Variants in SPG11 observed in about 807,000 individuals in gnomAD.
The protein encoded by SPG11 is spatacsin.
Under a neutral mutation model 274.0 loss-of-function variants are expected in SPG11, and 222 were observed. The ratio of observed to expected loss-of-function variants is 0.81; its 90% CI spans 0.73 to 0.91. The LOEUF is 0.91. Among genes scored for constraint, SPG11 ranks in the 40% least tolerant of loss-of-function variants. The pLI is 0.00. For synonymous variants in SPG11, 1,144 were observed against 1,039.7 expected, an observed-to-expected ratio of 1.10 and a Z score of -1.93; for missense variants, 3,114 against 2,872.7, an observed-to-expected ratio of 1.08 and a Z score of -1.92.
intron 20 of SPG11, among the ~76,000 whole-genome samples, chr15:44,601,755 C>A (rs1414753851): frequency 6.6e-6 from 1 of 151,980 alleles, no homozygotes; most frequent in African/African-American, 2.4e-5. Flanking sequence ...GACGGGGTTT[C>A]GCCATGTTGG....
intron 30 of SPG11, among the ~76,000 whole-genome samples, chr15:44,579,896 AG>A (rs1486109137): frequency 3.3e-5 from 5 of 152,218 alleles, no homozygotes; most frequent in African/African-American, 1.2e-4. Flanking sequence ...ATTGTGACAT[AG>A]CACAATTACT....
At chr15:44,642,559 A>G (rs931576008) in intron 7 of SPG11, among the ~76,000 whole-genome samples, 18 of 151,754 alleles carry the variant, frequency 1.2e-4, no homozygotes, top group Admixed American at 1.1e-3. Context: ...AATCATGAGA[A>G]TGGTTAAAAA....
intron 1 of SPG11, 68 bp from the exon 2 acceptor site, chr15:44,660,684 T>A (rs542103141): frequency 1.4e-6 from 2 of 1,456,258 alleles, no homozygotes; most frequent in Admixed American, 3.4e-5. Context: ...ATGGTGGGGG[T>A]AGAAGGGTTG....
At chr15:44,615,715 T>C in intron 15 of SPG11, 149 bp from the exon 16 acceptor site, 1 of 754,856 alleles carries the variant, frequency 1.3e-6, no homozygotes, top group Non-Finnish European at 2.2e-6. Context: ...CTCAGACACA[T>C]TTTTTGCTGA....
chr15:44,589,658 T>C (rs529193734), intron 27 of SPG11, among the ~76,000 whole-genome samples: 1 of 152,334 alleles, frequency 6.6e-6, no homozygotes, highest in African/African-American at 2.4e-5. Context: ...GGTATAGAGC[T>C]GCATGTGTGA....
Position 44,596,153 on chromosome 15 carries a change from C to G in SPG11, c.4364G>C (p.Trp1455Ser), listed in dbSNP as rs1314710001. The G allele has an allele frequency of 6.2e-7, 1 of 1,614,040 alleles. No individual in the cohort carries two copies. Among genetic ancestry groups the G allele is most frequent in the Non-Finnish European group, 8.5e-7 (1 of 1,180,038 alleles). The change falls in exon 25 of 40, where the codon TGG becomes TCG. Residue 1455 changes from tryptophan to serine, a missense_variant. By Grantham distance (177) the Trp-to-Ser change is radical. Coordinates refer to ENST00000261866, the MANE Select transcript of SPG11 (RefSeq NM_025137.4). ...CACTGCTTCAACCAGAAGCCAGTGC[C>G]AGGAGTCTGGCTCCTCTGAGCATTG... Reference protein sequence around the residue: ...LLQCSEEPDSWHWLLVEAVKQ... With the variant: ...LLQCSEEPDSSHWLLVEAVKQ...
intron 4 of SPG11, among the ~76,000 whole-genome samples, chr15:44,655,137 G>C (rs908906319): frequency 1.3e-5 from 2 of 152,098 alleles, no homozygotes; most frequent in African/African-American, 4.8e-5. Flanking sequence ...ACAGTAAAAA[G>C]TGATCTCTTT....
chr15:44,642,400 A>G (rs1262808778), intron 7 of SPG11, among the ~76,000 whole-genome samples: 3 of 149,132 alleles, frequency 2.0e-5, no homozygotes, highest in African/African-American at 7.3e-5. Context: ...GAAAGAAAGG[A>G]AAGAAAAGAA....
intron 11 of SPG11, among the ~76,000 whole-genome samples, chr15:44,626,126 C>G (rs187010409): frequency 7.2e-5 from 11 of 152,216 alleles, no homozygotes; most frequent in African/African-American, 2.4e-4. Flanking sequence ...GATCTTCTTG[C>G]CTCAACCTCC....
At chr15:44,646,939 A>C (rs773120845) in intron 7 of SPG11, among the ~76,000 whole-genome samples, 1 of 152,180 alleles carries the variant, frequency 6.6e-6, no homozygotes, top group Non-Finnish European at 1.5e-5. Flanking sequence ...CAATTTACCT[A>C]TGTGACAAAC....
rs1032475686 is a variant in SPG11, at chr15:44,589,288, G to A, written c.4870C>T (p.Gln1624Ter). 1.9e-6 allele frequency: 3 copies of A among 1,614,132 alleles called. No homozygotes were observed. Among genetic ancestry groups the A allele is most frequent in the Admixed American group, 1.7e-5 (1 of 60,024 alleles). ...AGATGCTCTCTTTCAACAAAGAGCT[G>A]TAAAAGCTTCCCCAGCTCATACTGG... ...KTQYELGKLL[Q>*]LFVEREHLFS... The change falls in exon 28 of 40, where the codon CAG becomes TAG. Residue 1624 changes from glutamine to a stop codon, truncating the protein, a stop_gained. Coordinates refer to ENST00000261866, the MANE Select transcript of SPG11 (RefSeq NM_025137.4). LOFTEE classifies it high-confidence loss of function.
intron 7 of SPG11, among the ~76,000 whole-genome samples, chr15:44,645,477 T>A (rs1013657050): frequency 2.0e-5 from 3 of 152,286 alleles, no homozygotes; most frequent in Middle Eastern, 3.4e-3. Flanking sequence ...TCAAGTTTGA[T>A]TAAAGACTTA....
chr15:44,568,399 A>G (rs2082350987), intron 35 of SPG11, among the ~76,000 whole-genome samples: 1 of 152,344 alleles, frequency 6.6e-6, no homozygotes, highest in African/African-American at 2.4e-5. Context: ...AATTGGCCCA[A>G]TATTAAAGAG....
Position 44,578,313 on chromosome 15 carries a change from G to A in SPG11, c.5867-3272C>T, listed in dbSNP as rs562706153. On this transcript the variant is annotated intron_variant, in intron 30 of 39. Coordinates refer to ENST00000261866, the MANE Select transcript of SPG11 (RefSeq NM_025137.4). ...CCCAAAGTGCTGGGATTACAGGCGT[G>A]AGCCACCGCGCCTGGCCAGAGGAGC... Among the ~76,000 whole-genome samples the A allele has an allele frequency of 3.7e-3, 555 of 151,848 alleles. 3 individuals carry two copies. Among genetic ancestry groups the A allele is most frequent in the Non-Finnish European group, 6.0e-3 (410 of 67,944 alleles).
intron 30 of SPG11, among the ~76,000 whole-genome samples, chr15:44,576,907 A>G (rs1170893072): frequency 1.3e-5 from 2 of 151,694 alleles, no homozygotes; most frequent in African/African-American, 4.8e-5. Context: ...GTTCACTGCA[A>G]CCTCTGCCTC....
Position 44,584,369 on chromosome 15 carries a change from C to T in SPG11, c.5311G>A (p.Glu1771Lys). ...EHPTGWSSME[E>K]RHLLLTLAGH... ...GCCAAGGTGAGCAGCAGATGGCGCT[C>T]CTCCATGCTGCTCCATCCAGTTGGG... is the stretch of plus-strand genomic sequence containing the variant. Residue 1771 changes from glutamate (E) to lysine (K), a missense_variant, in exon 30 of 40, where the codon GAG becomes AAG. Coordinates refer to ENST00000261866, the MANE Select transcript of SPG11 (RefSeq NM_025137.4). The T allele has an allele frequency of 6.2e-7, 1 of 1,612,442 alleles. No homozygotes were observed. Among genetic ancestry groups the T allele is most frequent in the East Asian group, 2.2e-5 (1 of 44,860 alleles).
intron 30 of SPG11, among the ~76,000 whole-genome samples, chr15:44,576,535 G>T (rs1241996834): frequency 6.6e-6 from 1 of 151,798 alleles, no homozygotes; most frequent in Non-Finnish European, 1.5e-5. Flanking sequence ...TGTAGTCCCA[G>T]CTACTTGGGA....
chr15:44,619,492 T>G (rs1383753802), intron 15 of SPG11, among the ~76,000 whole-genome samples: 2 of 152,192 alleles, frequency 1.3e-5, no homozygotes, highest in Admixed American at 1.3e-4. Flanking sequence ...CATTATTTCT[T>G]AATTCAGCAG....
At chr15:44,578,018 CCT>C (rs2082578059) in intron 30 of SPG11, among the ~76,000 whole-genome samples, 1 of 143,054 alleles carries the variant, frequency 7.0e-6, no homozygotes, top group Admixed American at 6.9e-5. Context: ...AGCCTTCTTT[CCT>C]TTTTTTTTTT....
Sources: gnomAD v4.1 joint callset for allele counts (sites outside exome capture counted in the v4.1 genomes callset) on GRCh38, gnomAD v4.1.1 for gene constraint, MANE v1.5 for transcripts, NCBI Gene and HGNC (gene_info 2026-07-23, HGNC 2026-07-21) for gene names.